Variants in ZFR observed in about 807,000 individuals in gnomAD.
The protein encoded by ZFR is zinc finger RNA-binding protein.
In ZFR, 19 loss-of-function variants were observed where a neutral mutation model predicts 130.7. That is an observed-to-expected ratio of 0.15 (90% CI 0.10 to 0.21). The LOEUF (loss-of-function observed/expected upper bound fraction) is 0.21, where lower values mean the gene tolerates loss of function less well. Ranked by LOEUF, ZFR falls within the 10% of genes least tolerant of loss-of-function variation. ZFR has a pLI of 1.00. For synonymous variants in ZFR, 466 were observed against 456.9 expected, an observed-to-expected ratio of 1.02 and a Z score of -0.25; for missense variants, 872 against 1,321.5, an observed-to-expected ratio of 0.66 and a Z score of 5.27.
At chr5:32,429,305 G>T (rs1277471910) in intron 2 of ZFR, among the ~76,000 whole-genome samples, 1 of 152,060 alleles carries the variant, frequency 6.6e-6, no homozygotes. Context: ...ATCTTTTAAG[G>T]GAGAACTGTA....
intron 2 of ZFR, among the ~76,000 whole-genome samples, chr5:32,440,621 T>C (rs1047242645): frequency 6.7e-6 from 1 of 150,044 alleles, no homozygotes; most frequent in Non-Finnish European, 1.5e-5. Context: ...CACTCCAGCC[T>C]GGGTGACAGA....
intron 15 of ZFR, among the ~76,000 whole-genome samples, chr5:32,384,341 T>A (rs1362275862): frequency 6.6e-6 from 1 of 152,210 alleles, no homozygotes; most frequent in Non-Finnish European, 1.5e-5. Context: ...AAAACTCATT[T>A]AAGATGCAAA....
intron 8 of ZFR, among the ~76,000 whole-genome samples, chr5:32,402,766 G>GGGCTCTGT (rs913455816): frequency 2.1e-5 from 3 of 144,108 alleles, no homozygotes; most frequent in Non-Finnish European, 4.5e-5. Context: ...TGACAGAGTG[G>GGGCTCTGT]GGCTCTGTCT....
chr5:32,395,087 C>G (rs951652776), intron 11 of ZFR, 72 bp downstream of exon 11: 21 of 1,470,512 alleles, frequency 1.4e-5, no homozygotes, highest in Non-Finnish European at 1.7e-5. Context: ...ATGGGAGTCA[C>G]ATGCTCAGAA....
intron 2 of ZFR, among the ~76,000 whole-genome samples, chr5:32,423,237 A>G (rs1753995306): frequency 6.6e-6 from 1 of 152,074 alleles, no homozygotes; most frequent in Non-Finnish European, 1.5e-5. Flanking sequence ...GGTGGCTGAG[A>G]CAGGAGGATC....
chr5:32,440,512 T>G (rs1196470607), intron 2 of ZFR, among the ~76,000 whole-genome samples: 1 of 152,040 alleles, frequency 6.6e-6, no homozygotes, highest in Non-Finnish European at 1.5e-5. Flanking sequence ...CCAGGCGTGG[T>G]GGCACACGCC....
chr5:32,415,666 TTTTAACTGA>T (rs1231466915), intron 4 of ZFR, among the ~76,000 whole-genome samples: 1 of 152,182 alleles, frequency 6.6e-6, no homozygotes, highest in East Asian at 1.9e-4. Flanking sequence ...ATTCATTGCA[TTTTAACTGA>T]TTTTTCCATA....
intron 3 of ZFR, 136 bp from the exon 4 acceptor site, chr5:32,417,928 CAAATT>C: frequency 2.5e-6 from 2 of 797,472 alleles, no homozygotes; most frequent in Non-Finnish European, 4.0e-6. Context: ...ATAAAAGAAT[CAAATT>C]AAATACACAG....
In ZFR at chr5:32,406,716, A is replaced by G; in HGVS notation, c.1032+58T>C. On this transcript the variant is annotated intron_variant, in intron 6 of 19. Transcript: ENST00000265069. ...TCTTTTAGTAGGCTCAGGAGTTAGA[A>G]TACCAACTACACTTAATAACCACTG... is the stretch of plus-strand genomic sequence containing the variant. 1.9e-6 allele frequency: 3 copies of G among 1,549,240 alleles called. No individual in the cohort carries two copies. In the Admixed American group the frequency reaches 6.8e-5, roughly 35 times the overall value.
At chr5:32,377,308 C>T (rs983478687) in intron 17 of ZFR, among the ~76,000 whole-genome samples, 1 of 151,348 alleles carries the variant, frequency 6.6e-6, no homozygotes, top group Non-Finnish European at 1.5e-5. Flanking sequence ...TCTCGGCTCA[C>T]TGCAACCTCT....
chr5:32,396,212 CAAA>C (rs1468587633), intron 10 of ZFR, among the ~76,000 whole-genome samples: 3 of 128,828 alleles, frequency 2.3e-5, no homozygotes, highest in Non-Finnish European at 5.0e-5. Flanking sequence ...GGCCCTATCT[CAAA>C]AAAAAAAAAA....
intron 17 of ZFR, among the ~76,000 whole-genome samples, chr5:32,365,967 C>T (rs1334469509): frequency 1.3e-5 from 2 of 152,102 alleles, no homozygotes; most frequent in Admixed American, 6.5e-5. Flanking sequence ...GGACAAGCTT[C>T]AGTCATCTAG....
chr5:32,405,222 G>C (rs944821896), intron 6 of ZFR, among the ~76,000 whole-genome samples: 2 of 152,140 alleles, frequency 1.3e-5, no homozygotes, highest in African/African-American at 4.8e-5. Flanking sequence ...TCCTGTTATA[G>C]AAAAGTGAGG....
At chr5:32,384,306 G>A (rs1200602808) in intron 15 of ZFR, among the ~76,000 whole-genome samples, 3 of 152,072 alleles carry the variant, frequency 2.0e-5, no homozygotes, top group Admixed American at 6.6e-5. Context: ...AGAAACTCAC[G>A]TTCACATAAG....
At chr5:32,405,862 T>C (rs1753569408) in intron 6 of ZFR, among the ~76,000 whole-genome samples, 1 of 152,204 alleles carries the variant, frequency 6.6e-6, no homozygotes, top group African/African-American at 2.4e-5. Flanking sequence ...TGTTCTGTAA[T>C]TTGGTATAAC....
At chr5:32,369,891 A>C (rs901966746) in intron 17 of ZFR, among the ~76,000 whole-genome samples, 6 of 152,056 alleles carry the variant, frequency 3.9e-5, no homozygotes, top group Admixed American at 1.3e-4. Flanking sequence ...AAGTTCCAAA[A>C]CATCTCCATT....
At chr5:32,426,839 A>C (rs1017813175) in intron 2 of ZFR, among the ~76,000 whole-genome samples, 2 of 147,696 alleles carry the variant, frequency 1.4e-5, no homozygotes, top group Non-Finnish European at 3.0e-5. Context: ...CAGGGGGCGG[A>C]GGTTGCAGTG....
At chr5:32,394,916 T>C (rs986833902) in intron 11 of ZFR, among the ~76,000 whole-genome samples, 1 of 152,192 alleles carries the variant, frequency 6.6e-6, no homozygotes, top group Non-Finnish European at 1.5e-5. Flanking sequence ...TTTCTTCATA[T>C]GTTTAATTTA....
At chr5:32,424,729 T>C (rs1486086716) in intron 2 of ZFR, among the ~76,000 whole-genome samples, 2 of 152,100 alleles carry the variant, frequency 1.3e-5, no homozygotes, top group South Asian at 4.1e-4. Flanking sequence ...ATGGAACACA[T>C]TAGAAATCAT....
Sources: allele counts gnomAD v4.1 joint callset (sites outside exome capture counted in the v4.1 genomes callset), GRCh38; gene constraint gnomAD v4.1.1; transcripts MANE v1.5; gene names NCBI Gene and HGNC (gene_info 2026-07-23, HGNC 2026-07-21).